Variants in NRXN3 observed in about 807,000 individuals in gnomAD.
NRXN3 encodes neurexin 3.
A neutral mutation model predicts 137.6 loss-of-function variants in NRXN3; 32 were observed. The observed-to-expected ratio is 0.23, with a 90% CI of 0.18 to 0.31. The LOEUF is 0.31. Among genes scored for constraint, NRXN3 ranks in the 10% least tolerant of loss-of-function variants. The pLI, the probability that NRXN3 is intolerant of heterozygous loss-of-function variation, is 1.00. For missense variants in NRXN3, 1,574 were observed against 2,062.5 expected (o/e 0.76, Z 4.59); for synonymous variants, 798 against 784.5 (o/e 1.02, Z -0.29).
At chr14:79,854,720 A>AGAG (rs2099398924) in intron 20 of NRXN3, among the ~76,000 whole-genome samples, 1 of 152,204 alleles carries the variant, frequency 6.6e-6, no homozygotes, top group Non-Finnish European at 1.5e-5. Context: ...GTTAGCTCCA[A>AGAG]GTAGTACCAG....
intron 2 of NRXN3, among the ~76,000 whole-genome samples, chr14:78,270,414 C>A (rs1187760237): frequency 1.3e-5 from 2 of 152,138 alleles, no homozygotes; most frequent in African/African-American, 4.8e-5. Context: ...GGACAGCTTC[C>A]ATTTCTTTCC....
intron 1 of NRXN3, among the ~76,000 whole-genome samples, chr14:78,179,991 A>G (rs776310639): frequency 1.1e-4 from 17 of 151,888 alleles, no homozygotes; most frequent in African/African-American, 3.4e-4. Flanking sequence ...GATTACAGGC[A>G]TGTGCCACGA....
At chr14:79,435,593 T>TACACACACACAC (rs35554281) in intron 15 of NRXN3, among the ~76,000 whole-genome samples, 1,859 of 143,872 alleles carry the variant, frequency 0.013, 65 homozygotes, top group East Asian at 0.12. Flanking sequence ...AACACTAAGA[T>TACACACACACAC]ACACACACAC....
intron 4 of NRXN3, among the ~76,000 whole-genome samples, chr14:78,601,030 C>T (rs961695808): frequency 2.6e-5 from 4 of 152,136 alleles, no homozygotes; most frequent in African/African-American, 9.7e-5. Context: ...ACTTTACTGC[C>T]CTAGTTCAGG....
chr14:78,745,509 C>G (rs749485414), intron 8 of NRXN3, among the ~76,000 whole-genome samples: 9 of 152,212 alleles, frequency 5.9e-5, no homozygotes, highest in Non-Finnish European at 1.0e-4. Context: ...TCTACTTCAT[C>G]TTTCTCTGCA....
chr14:79,355,637 G>A (rs1458947528), intron 15 of NRXN3, among the ~76,000 whole-genome samples: 1 of 152,198 alleles, frequency 6.6e-6, no homozygotes, highest in African/African-American at 2.4e-5. Flanking sequence ...TTTATTGAAA[G>A]TTTCTTTTTA....
chr14:79,581,883 A>G (rs891566867), intron 16 of NRXN3, among the ~76,000 whole-genome samples: 1 of 152,204 alleles, frequency 6.6e-6, no homozygotes, highest in Non-Finnish European at 1.5e-5. Flanking sequence ...TTTCTCTCAA[A>G]TGGTCTCATC....
chr14:79,628,870 C>T (rs942074971), intron 16 of NRXN3, among the ~76,000 whole-genome samples: 1 of 152,152 alleles, frequency 6.6e-6, no homozygotes, highest in Non-Finnish European at 1.5e-5. Context: ...AATCTCTTCA[C>T]AGTAGAATGA....
At chr14:78,443,495 T>C (rs574789311) in intron 4 of NRXN3, among the ~76,000 whole-genome samples, 1 of 152,180 alleles carries the variant, frequency 6.6e-6, no homozygotes, top group Non-Finnish European at 1.5e-5. Flanking sequence ...AGAATCAATA[T>C]ATCTAGTATA....
chr14:79,315,296 C>A (rs548129410), intron 15 of NRXN3, among the ~76,000 whole-genome samples: 1 of 152,256 alleles, frequency 6.6e-6, no homozygotes, highest in South Asian at 2.1e-4. Flanking sequence ...GTCTTTTCCT[C>A]AAGTAAACTT....
chr14:78,690,713 G>A lies in NRXN3; in HGVS notation c.1222-18504G>A, dbSNP rs192090384. Among the ~76,000 whole-genome samples the A allele has an allele frequency of 2.6e-3, 397 of 152,160 alleles. 2 individuals are homozygous for A. The highest frequency in any genetic ancestry group is 5.4e-3 in the Admixed American group (83 of 15,278). On this transcript the variant is annotated intron_variant, in intron 6 of 20. Coordinates refer to ENST00000335750, the MANE Select transcript of NRXN3 (RefSeq NM_001330195.2). ...TGGGACAATGAAGAGAGAAGGTTCA[G>A]ATATATCTACACAAATTTGAGCTTA...
chr14:78,439,705 T>C (rs1269945873), intron 4 of NRXN3, among the ~76,000 whole-genome samples: 2 of 152,158 alleles, frequency 1.3e-5, no homozygotes, highest in African/African-American at 4.8e-5. Context: ...AGGCAGAATT[T>C]TTACAGGTGT....
chr14:78,964,759 A>T (rs1249258853), intron 11 of NRXN3, among the ~76,000 whole-genome samples: 1 of 151,200 alleles, frequency 6.6e-6, no homozygotes, highest in African/African-American at 2.4e-5. Flanking sequence ...GTTTTTCTTT[A>T]TTTTGTTATT....
At chr14:78,494,639 C>T (rs2153752100) in intron 4 of NRXN3, among the ~76,000 whole-genome samples, 1 of 152,136 alleles carries the variant, frequency 6.6e-6, no homozygotes, top group Non-Finnish European at 1.5e-5. Flanking sequence ...AGGATACATC[C>T]CTCTGTCTAG....
At chr14:79,014,537 C>A (rs566881523) in intron 15 of NRXN3, among the ~76,000 whole-genome samples, 2 of 152,238 alleles carry the variant, frequency 1.3e-5, no homozygotes, top group African/African-American at 4.8e-5. Context: ...CATGTCTTTG[C>A]TATTGTGAAT....
chr14:78,401,772 T>C (rs2092089120), intron 4 of NRXN3, among the ~76,000 whole-genome samples: 1 of 152,222 alleles, frequency 6.6e-6, no homozygotes, highest in Non-Finnish European at 1.5e-5. Context: ...AAGGATTCAA[T>C]CTATAACTCA....
chr14:78,389,325 G>A (rs139491936), intron 4 of NRXN3, among the ~76,000 whole-genome samples: 149 of 152,146 alleles, frequency 9.8e-4, no homozygotes, highest in African/African-American at 3.4e-3. Context: ...CAAAGTTCTG[G>A]GATTACAGAC....
intron 15 of NRXN3, among the ~76,000 whole-genome samples, chr14:79,033,544 T>C (rs984940037): frequency 3.9e-5 from 6 of 152,074 alleles, no homozygotes; most frequent in Non-Finnish European, 7.4e-5. Flanking sequence ...GGCCAAGTAA[T>C]ATATGGAATC....
At chr14:78,711,985 A>G (rs779091437) in intron 7 of NRXN3, among the ~76,000 whole-genome samples, 5 of 152,240 alleles carry the variant, frequency 3.3e-5, no homozygotes, top group Non-Finnish European at 7.3e-5. Context: ...TTGAAGAATA[A>G]TATAACAAAC....
Sources: gnomAD v4.1 joint callset for allele counts (sites outside exome capture counted in the v4.1 genomes callset) on GRCh38, gnomAD v4.1.1 for gene constraint, MANE v1.5 for transcripts, NCBI Gene and HGNC (gene_info 2026-07-23, HGNC 2026-07-21) for gene names.